Variants in SMOC1 observed in about 807,000 individuals in gnomAD.
SMOC1 encodes the protein SPARC-related modular calcium-binding protein 1.
In SMOC1, 22 loss-of-function variants were observed where a neutral mutation model predicts 56.3. The ratio of observed to expected loss-of-function variants is 0.39; its 90% CI spans 0.28 to 0.56. The LOEUF (loss-of-function observed/expected upper bound fraction) is 0.56, where lower values mean the gene tolerates loss of function less well. SMOC1 is among the 20% of genes least tolerant of loss of function. The pLI is 0.61. For missense variants in SMOC1, 509 were observed against 565.4 expected, an observed-to-expected ratio of 0.90 and a Z score of 1.01; for synonymous variants, 193 against 215.0, an observed-to-expected ratio of 0.90 and a Z score of 0.89.
chr14:69,923,007 T>C (rs1420916844), intron 1 of SMOC1, among the ~76,000 whole-genome samples: 1 of 151,512 alleles, frequency 6.6e-6, no homozygotes, highest in African/African-American at 2.4e-5. Flanking sequence ...TGCAGTGGCA[T>C]GATCTCGGCT....
chr14:69,890,192 T>C (rs1883922626), intron 1 of SMOC1, among the ~76,000 whole-genome samples: 1 of 152,258 alleles, frequency 6.6e-6, no homozygotes, highest in Admixed American at 6.5e-5. Flanking sequence ...AGGAGCCTCT[T>C]AATGATGAAG....
At chr14:69,993,627 C>T (rs1326875592) in intron 6 of SMOC1, among the ~76,000 whole-genome samples, 1 of 152,164 alleles carries the variant, frequency 6.6e-6, no homozygotes, top group Non-Finnish European at 1.5e-5. Flanking sequence ...ATATCCTTTG[C>T]AATCAGCTCA....
intron 11 of SMOC1, among the ~76,000 whole-genome samples, chr14:70,027,903 G>A (rs1409016568): frequency 6.6e-6 from 1 of 152,156 alleles, no homozygotes; most frequent in Non-Finnish European, 1.5e-5. Flanking sequence ...TGCTCTGCAG[G>A]GCGGCAGAAA....
At chr14:69,937,182 C>T (rs920367723) in intron 1 of SMOC1, among the ~76,000 whole-genome samples, 1 of 152,098 alleles carries the variant, frequency 6.6e-6, no homozygotes, top group Non-Finnish European at 1.5e-5. Context: ...TAGATCCACC[C>T]ACCCCTTGCT....
intron 1 of SMOC1, among the ~76,000 whole-genome samples, chr14:69,920,475 TC>T (rs1884808161): frequency 1.3e-5 from 2 of 152,314 alleles, no homozygotes; most frequent in African/African-American, 4.8e-5. Flanking sequence ...CTCATACATC[TC>T]AACAGGTTCC....
chr14:69,933,502 T>A (rs1594809769), intron 1 of SMOC1, among the ~76,000 whole-genome samples: 1 of 152,160 alleles, frequency 6.6e-6, no homozygotes, highest in East Asian at 1.9e-4. Context: ...TAGAAAGAAA[T>A]GAGCTCACAC....
intron 1 of SMOC1, among the ~76,000 whole-genome samples, chr14:69,892,897 A>T (rs967530451): frequency 2.6e-5 from 4 of 152,210 alleles, no homozygotes; most frequent in African/African-American, 9.6e-5. Context: ...GATCCCTTAA[A>T]TATGCTATTC....
chr14:69,984,713 G>T (rs1170597161), intron 5 of SMOC1, among the ~76,000 whole-genome samples: 1 of 151,950 alleles, frequency 6.6e-6, no homozygotes, highest in Non-Finnish European at 1.5e-5. Context: ...AAATTAGCCA[G>T]GCATGGTGGC....
chr14:69,953,281 C>T (rs1163991437), intron 2 of SMOC1, 139 bp from the exon 3 acceptor site: 25 of 757,108 alleles, frequency 3.3e-5, no homozygotes, highest in East Asian at 3.0e-4. Context: ...TTACTAGCCA[C>T]GGCCCTTTTA....
intron 1 of SMOC1, among the ~76,000 whole-genome samples, chr14:69,892,065 C>T (rs139324618): frequency 7.2e-5 from 11 of 152,272 alleles, no homozygotes; most frequent in Non-Finnish European, 1.2e-4. Context: ...AAATGCCTGT[C>T]TCAGTATGTT....
At chr14:69,903,043 G>T (rs1043686282) in intron 1 of SMOC1, among the ~76,000 whole-genome samples, 1 of 151,042 alleles carries the variant, frequency 6.6e-6, no homozygotes, top group Non-Finnish European at 1.5e-5. Flanking sequence ...CCGCCACCCC[G>T]TCTGGGAAGT....
chr14:69,965,070 C>T (rs1292608936), intron 3 of SMOC1, among the ~76,000 whole-genome samples: 1 of 152,036 alleles, frequency 6.6e-6, no homozygotes, highest in Non-Finnish European at 1.5e-5. Context: ...GAGATAACAA[C>T]CAAAGGATGG....
At chr14:69,955,668 G>A (rs1006971495) in intron 3 of SMOC1, among the ~76,000 whole-genome samples, 2 of 146,776 alleles carry the variant, frequency 1.4e-5, no homozygotes, top group African/African-American at 2.6e-5. Flanking sequence ...CTATCATGTC[G>A]ATACCACTAT....
intron 1 of SMOC1, among the ~76,000 whole-genome samples, chr14:69,945,428 G>T (rs555691679): frequency 1.6e-3 from 246 of 152,246 alleles, no homozygotes; most frequent in African/African-American, 5.7e-3. Flanking sequence ...AGAATCAAAC[G>T]CCCAGGCAAG....
At chr14:69,939,794 G>A (rs1882478719) in intron 1 of SMOC1, among the ~76,000 whole-genome samples, 1 of 152,146 alleles carries the variant, frequency 6.6e-6, no homozygotes, top group Admixed American at 6.5e-5. Flanking sequence ...CCCCACTTTG[G>A]TGTGCCTTGG....
chr14:69,920,244 TA>T (rs1884801701), intron 1 of SMOC1, among the ~76,000 whole-genome samples: 1 of 152,220 alleles, frequency 6.6e-6, no homozygotes, highest in Non-Finnish European at 1.5e-5. Context: ...AGGTCTTTGC[TA>T]TGGCTGACCT....
chr14:69,989,454 A>G (rs1884485940), intron 5 of SMOC1, among the ~76,000 whole-genome samples: 1 of 152,180 alleles, frequency 6.6e-6, no homozygotes, highest in Admixed American at 6.5e-5. Context: ...AATTTTGTAA[A>G]CCCAATTTTA....
chr14:69,988,797 C>G (rs1401072028), intron 5 of SMOC1, among the ~76,000 whole-genome samples: 3 of 152,174 alleles, frequency 2.0e-5, no homozygotes, highest in Admixed American at 2.0e-4. Flanking sequence ...TGGAATCATA[C>G]AACATGTGGT....
At chr14:69,982,312 A>G (rs1884208821) in intron 5 of SMOC1, among the ~76,000 whole-genome samples, 1 of 152,238 alleles carries the variant, frequency 6.6e-6, no homozygotes, top group Admixed American at 6.5e-5. Flanking sequence ...TAATTTTCAG[A>G]GTTTAAAAAG....
Sources: allele counts gnomAD v4.1 joint callset (sites outside exome capture counted in the v4.1 genomes callset), GRCh38; gene constraint gnomAD v4.1.1; transcripts MANE v1.5; gene names NCBI Gene and HGNC (gene_info 2026-07-23, HGNC 2026-07-21).